ZBED5: variants seen among roughly 807,000 people sequenced by gnomAD.
ZBED5 encodes the protein zinc finger BED-type containing 5, also known as zinc finger BED domain-containing protein 5.
Under a neutral mutation model 49.2 loss-of-function variants are expected in ZBED5, and 29 were observed. The observed-to-expected ratio is 0.59, with a 90% CI of 0.44 to 0.80. The LOEUF (loss-of-function observed/expected upper bound fraction) is 0.80. Ranked by LOEUF, ZBED5 falls within the 30% of genes least tolerant of loss-of-function variation. The probability of loss-of-function intolerance (pLI) is 0.00; values close to 1 mark genes in which losing one functional copy is unlikely to be tolerated. For missense variants in ZBED5, 775 were observed against 812.9 expected (o/e 0.95, Z 0.57); for synonymous variants, 281 against 292.5 (o/e 0.96, Z 0.40).
Position 10,854,683 on chromosome 11 carries a change from G to A in ZBED5, c.263C>T (p.Ser88Phe). The change falls in exon 3 of 3, where the codon TCC becomes TTC. Residue 88 changes from serine to phenylalanine, a missense_variant. Transcript: ENST00000413761. The surrounding 1 kb of genome is among the most constrained non-coding windows in gnomAD (Gnocchi z 5.0). ...GGAATTGGATATAAATTTGACCCTG[G>A]AAAGCTCACCTTCTGATTTTTTAGA... is the stretch of plus-strand genomic sequence containing the variant. ...SVSKKSEGEL[S>F]RVKFISNSNK... 5 of 1,551,316 alleles carry A rather than the reference G, an allele frequency of 3.2e-6. No individual in the cohort carries two copies. Among genetic ancestry groups the A allele is most frequent in the South Asian group, 1.2e-5 (1 of 84,048 alleles).
At position 10,852,840 on chromosome 11, in the gene ZBED5, T is replaced by C; in HGVS notation, c.*24A>G. 1.3e-6 allele frequency: 2 copies of C among 1,490,858 alleles called. No homozygotes were observed. The highest frequency in any genetic ancestry group is 1.8e-6 in the Non-Finnish European group (2 of 1,111,774). The allele number at this position is 1,490,858 out of a possible 1,614,324, so 92.4% of individuals were successfully genotyped here. On this transcript the variant is annotated 3_prime_UTR_variant, in exon 3 of 3. Transcript: ENST00000413761. The stretch of plus-strand genomic sequence containing the variant: ...ATTTTCATCTTACATTTGGTTATCA[T>C]GAGACATGCAAACTCCTCCAATTTT...
At position 10,854,902 on chromosome 11, in the gene ZBED5, G is replaced by T. The variant is rs189388307; in HGVS notation, c.44C>A (p.Thr15Lys). 6.4e-7 allele frequency: 1 copy of T among 1,551,458 alleles called. No homozygotes were observed. The highest frequency in any genetic ancestry group is 1.4e-5 in the African/African-American group (1 of 73,162). The change falls in exon 3 of 3, where the codon ACA becomes AAA. Residue 15 changes from threonine to lysine, a missense_variant. Coordinates refer to ENST00000413761, the MANE Select transcript of ZBED5 (RefSeq NM_001143667.2). The surrounding 1 kb of genome is among the most constrained non-coding windows in gnomAD (Gnocchi z 5.0). ...LLCILSYNFN[T>K]FAILNVYSKL... ...AGAATAGACATTGAGTATCGCAAAT[G>T]TGTTGAAATTATAAGACAGGATACA...
chr11:10,854,753 C>T lies in ZBED5; in HGVS notation c.193G>A (p.Val65Ile). ...TTATCTTCACTTTGTAATATTCCAA[C>T]CTTCTGATCATTTGATTCAGACACA... ...QIVSESNDQKVGILQSEDKQL... is the reference protein window; with the variant it reads ...QIVSESNDQKIGILQSEDKQL... The change falls in exon 3 of 3, where the codon GTT becomes ATT. Residue 65 changes from valine to isoleucine, a missense_variant. Physicochemically the swap from Val to Ile is conservative, Grantham distance 29. Transcript: ENST00000413761. This position sits in a 1 kb window ranked among gnomAD's most constrained non-coding sequence, Gnocchi z 5.0. The T allele has an allele frequency of 6.4e-7, 1 of 1,551,864 alleles. No individual in the cohort carries two copies. The highest frequency in any genetic ancestry group is 8.7e-7 in the Non-Finnish European group (1 of 1,146,980).
chr11:10,854,508 A>G lies in ZBED5; in HGVS notation c.438T>C (p.Pro146=), dbSNP rs933672242. Residue 146 remains proline, a synonymous_variant, in exon 3 of 3, where the codon CCT becomes CCC. Coordinates refer to ENST00000413761, the MANE Select transcript of ZBED5 (RefSeq NM_001143667.2). The surrounding 1 kb of genome is among the most constrained non-coding windows in gnomAD (Gnocchi z 5.0). ...TTTCCAAATGTCTTCGAAGCTTACT[A>G]GGGGCTAAAGAGCTATTTGATAAAA... is the stretch of plus-strand genomic sequence containing the variant. ...KKILSNSSLA[P]SKLRRHLETK... is the part of the protein sequence containing the mutation. The G allele has an allele frequency of 9.0e-6, 14 of 1,551,578 alleles. No homozygotes were observed. Among genetic ancestry groups the G allele is most frequent in the Non-Finnish European group, 1.2e-5 (14 of 1,146,922 alleles).
At position 10,852,927 on chromosome 11, in the gene ZBED5, G is replaced by A; in HGVS notation, c.2019C>T (p.Ser673=). The change falls in exon 3 of 3, where the codon AGC becomes AGT. Residue 673 remains serine, a synonymous_variant. Transcript: ENST00000413761. ...TCCGCTTAATATTAGGTGTAATATT[G>A]CTAAGTCGGATTCGCATATGAGGTG... ...DAAPHMRIRL[S]NITPNIKRIC... The A allele has an allele frequency of 6.4e-7, 1 of 1,551,256 alleles. No homozygotes were observed. The highest frequency in any genetic ancestry group is 8.7e-7 in the Non-Finnish European group (1 of 1,146,716).
At position 10,854,179 on chromosome 11, in the gene ZBED5, G is replaced by A. The variant is rs1449193556; in HGVS notation, c.767C>T (p.Ala256Val). The A allele has an allele frequency of 5.2e-6, 8 of 1,550,856 alleles. No homozygotes were observed. The highest frequency in any genetic ancestry group is 7.0e-6 in the Non-Finnish European group (8 of 1,146,584). The change falls in exon 3 of 3, where the codon GCT (alanine) becomes GTT (valine). Residue 256 changes from alanine to valine, a missense_variant. Ala to Val is a moderately conservative substitution (Grantham distance 64). Transcript: ENST00000413761. This position sits in a 1 kb window ranked among gnomAD's most constrained non-coding sequence, Gnocchi z 5.0. ...STVARRIKDLAADIEEELVCR... is the reference protein window; with the variant it reads ...STVARRIKDLVADIEEELVCR... ...AACAAGCTCTTCTTCAATGTCAGCA[G>A]CTAGATCCTTAATTCGACGTGCAAC...
chr11:10,854,374 T>C lies in ZBED5; in HGVS notation c.572A>G (p.Glu191Gly). The C allele has an allele frequency of 1.3e-6, 2 of 1,551,064 alleles. No homozygotes were observed. The highest frequency in any genetic ancestry group is 2.4e-5 in the South Asian group (2 of 84,060). Residue 191 changes from glutamate (E) to glycine (G), a missense_variant, in exon 3 of 3, where the codon GAA (glutamate) becomes GGA (glycine). By Grantham distance (98) the Glu-to-Gly change is moderately conservative. Coordinates refer to ENST00000413761, the MANE Select transcript of ZBED5 (RefSeq NM_001143667.2). The surrounding 1 kb of genome is among the most constrained non-coding windows in gnomAD (Gnocchi z 5.0). ...ATTGTATGATGCTTCTGTAGCACTT[T>C]CATTATCTGTATTCACAATTTTAGG... ...PTPKIVNTDN[E>G]SATEASYNVS...
Position 10,854,806 on chromosome 11 carries a change from TG to T in ZBED5, c.139del (p.Gln47LysfsTer53). 14 of 1,552,078 alleles carry T rather than the reference TG, an allele frequency of 9.0e-6. No homozygotes were observed. Among genetic ancestry groups the T allele is most frequent in the Non-Finnish European group, 1.2e-5 (14 of 1,147,030 alleles). The stretch of plus-strand genomic sequence containing the variant: ...CTGATAACAGAAAGATTCCACTTCT[TG>T]TTTAAGACTTCCTTGTTTCAGCAAC... ...DLLLKQGSLKQEVESFCYQIV... is the reference protein window; with the variant it reads ...DLLLKQGSLKXEVESFCYQIV... On this transcript the variant is annotated frameshift_variant, in exon 3 of 3. Transcript: ENST00000413761. LOFTEE classifies it high-confidence loss of function. The surrounding 1 kb of genome is among the most constrained non-coding windows in gnomAD (Gnocchi z 5.0).
rs1046297 is a variant in ZBED5 at position 10,853,508 on chromosome 11, T to C, written c.1438A>G (p.Ile480Val). 0.03 allele frequency: 46,063 copies of C among 1,550,876 alleles called. 751 individuals carry two copies. The highest frequency in any genetic ancestry group is 0.052 in the Middle Eastern group (312 of 5,988). ...WLLRLAYLAD[I>V]FTKLNEVNLS... is the part of the protein sequence containing the mutation. ...TTAACTTCATTTAATTTAGTAAAAATATCTGCAAGATATGCAAGTCTTAGC... is the reference window on the plus strand; with the variant it reads ...TTAACTTCATTTAATTTAGTAAAAACATCTGCAAGATATGCAAGTCTTAGC... Residue 480 changes from isoleucine to valine, a missense_variant, in exon 3 of 3, where the codon ATT (isoleucine) becomes GTT (valine). Coordinates refer to ENST00000413761, the MANE Select transcript of ZBED5 (RefSeq NM_001143667.2). The surrounding 1 kb of genome is among the most constrained non-coding windows in gnomAD (Gnocchi z 5.4).
chr11:10,853,670 G>A lies in ZBED5; in HGVS notation c.1276C>T (p.Leu426Phe). 1 of 1,551,644 alleles carries A rather than the reference G, an allele frequency of 6.4e-7. No homozygotes were observed. Among genetic ancestry groups the A allele is most frequent in the Non-Finnish European group, 8.7e-7 (1 of 1,146,930 alleles). The change falls in exon 3 of 3, where the codon CTT becomes TTT. Residue 426 changes from leucine (L) to phenylalanine (F), a missense_variant. Leu to Phe is a conservative substitution (Grantham distance 22). Transcript: ENST00000413761. The surrounding 1 kb of genome is among the most constrained non-coding windows in gnomAD (Gnocchi z 5.4). ...CACCTCACCTCTGTATTTAGAAGAA[G>A]TGCTGTGTGCTGAGCACCCATTTCC... ...CEEMGAQHTA[L>F]LLNTEVRWLS...
chr11:10,853,502 TAAA>T lies in ZBED5; in HGVS notation c.1441_1443del (p.Phe481del). 1.9e-6 allele frequency: 3 copies of T among 1,550,902 alleles called. No homozygotes were observed. The highest frequency in any genetic ancestry group is 2.6e-6 in the Non-Finnish European group (3 of 1,146,560). Reference sequence around the variant, plus strand: ...GACAAATTAACTTCATTTAATTTAGTAAAAATATCTGCAAGATATGCAAGTCTT... The same window carrying T: ...GACAAATTAACTTCATTTAATTTAGTAATATCTGCAAGATATGCAAGTCTT... On this transcript the variant is annotated inframe_deletion, in exon 3 of 3. Transcript: ENST00000413761. The surrounding 1 kb of genome is among the most constrained non-coding windows in gnomAD (Gnocchi z 5.4).
Position 10,853,564 on chromosome 11 carries a change from A to G in ZBED5, c.1382T>C (p.Leu461Pro), listed in dbSNP as rs756550280. Residue 461 changes from leucine to proline, a missense_variant, in exon 3 of 3, where the codon CTA becomes CCA. By Grantham distance (98) the Leu-to-Pro change is moderately conservative. Coordinates refer to ENST00000413761, the MANE Select transcript of ZBED5 (RefSeq NM_001143667.2). This position sits in a 1 kb window ranked among gnomAD's most constrained non-coding sequence, Gnocchi z 5.4. ...LLVFMDSAFR[L>P]SDCLTNSSWL... ...AGATGAATTTGTTAAACAATCAGAT[A>G]GTCGAAAAGCAGAATCCATGAAAAC... 19 of 1,550,074 alleles carry G rather than the reference A, an allele frequency of 1.2e-5. 1 individual carries two copies. The South Asian group carries it at 2.1e-4, about 18-fold the overall frequency.
chr11:10,852,746 A>G lies in ZBED5; in HGVS notation c.*118T>C. 3 of 1,385,720 alleles carry G rather than the reference A, an allele frequency of 2.2e-6. No individual in the cohort carries two copies. Among genetic ancestry groups the G allele is most frequent in the Admixed American group, 3.0e-5 (1 of 33,454 alleles). The allele number at this position is 1,385,720 out of a possible 1,614,324, so 85.8% of individuals were successfully genotyped here. On this transcript the variant is annotated 3_prime_UTR_variant, in exon 3 of 3. Transcript: ENST00000413761. ...ATTCTTTAGCCTTCTTAAAATCTAA[A>G]TAGTATAAAAAAATGGAATCATTTT...
chr11:10,854,967 C>T lies in ZBED5; in HGVS notation c.-22G>A. The T allele has an allele frequency of 6.5e-7, 1 of 1,537,048 alleles. No individual in the cohort carries two copies. Among genetic ancestry groups the T allele is most frequent in the Non-Finnish European group, 8.8e-7 (1 of 1,138,500 alleles). Reference sequence around the variant, plus strand: ...TCATCAAAGAGATGATATACAGCAACACATCAGTTAATTTGTAAATGCTGC... The same window carrying T: ...TCATCAAAGAGATGATATACAGCAATACATCAGTTAATTTGTAAATGCTGC... On this transcript the variant is annotated 5_prime_UTR_variant, in exon 3 of 3. Coordinates refer to ENST00000413761, the MANE Select transcript of ZBED5 (RefSeq NM_001143667.2). The surrounding 1 kb of genome is among the most constrained non-coding windows in gnomAD (Gnocchi z 5.0).
At position 10,854,934 on chromosome 11, in the gene ZBED5, A is replaced by C. The variant is rs761768665; in HGVS notation, c.12T>G (p.Pro4=). Residue 4 remains proline (P), a synonymous_variant, in exon 3 of 3, where the codon CCT becomes CCG. Coordinates refer to ENST00000413761, the MANE Select transcript of ZBED5 (RefSeq NM_001143667.2). The surrounding 1 kb of genome is among the most constrained non-coding windows in gnomAD (Gnocchi z 5.0). The part of the protein sequence containing the change: MIA[P]LLCILSYNFN... Reference sequence around the variant, plus strand: ...AATTATAAGACAGGATACAAAGAAGAGGAGCAATCATCAAAGAGATGATAT... The same window carrying C: ...AATTATAAGACAGGATACAAAGAAGCGGAGCAATCATCAAAGAGATGATAT... The C allele has an allele frequency of 1.9e-6, 3 of 1,548,818 alleles. No individual in the cohort carries two copies. The Admixed American group carries it at 5.9e-5, about 30-fold the overall frequency.
In ZBED5 at chr11:10,855,481, C is replaced by T. The variant is rs976999; in HGVS notation, c.-141-395G>A. On this transcript the variant is annotated intron_variant, in intron 2 of 2. Coordinates refer to ENST00000413761, the MANE Select transcript of ZBED5 (RefSeq NM_001143667.2). This position sits in a 1 kb window ranked among gnomAD's most constrained non-coding sequence, Gnocchi z 4.1. ...ACAGGTGTGTTCCAATAAAACTTTACGTACAAAACCAGACAGCATGGGCCA... is the reference window on the plus strand; with the variant it reads ...ACAGGTGTGTTCCAATAAAACTTTATGTACAAAACCAGACAGCATGGGCCA... Among the ~76,000 whole-genome samples, 2,116 of 152,152 alleles carry T rather than the reference C, an allele frequency of 0.014. 41 individuals are homozygous for T. Among genetic ancestry groups the T allele is most frequent in the African/African-American group, 0.046 (1,924 of 41,502 alleles).
At position 10,855,345 on chromosome 11, in the gene ZBED5, C is replaced by G. The variant is rs542220232; in HGVS notation, c.-141-259G>C. On this transcript the variant is annotated intron_variant, in intron 2 of 2. Transcript: ENST00000413761. The surrounding 1 kb of genome is among the most constrained non-coding windows in gnomAD (Gnocchi z 4.1). ...GGACCCTGAAGAATATGTCCCATGG[C>G]AGGGGTTGGCAGGCTTTTTTTGGTC... 2.0e-5 allele frequency among the ~76,000 whole-genome samples: 3 copies of G among 152,200 alleles called. No individual in the cohort carries two copies. The East Asian group carries it at 5.8e-4, about 29-fold the overall frequency.
At position 10,852,961 on chromosome 11, in the gene ZBED5, A is replaced by C. The variant is rs1161408865; in HGVS notation, c.1985T>G (p.Leu662Arg). 5.2e-6 allele frequency: 8 copies of C among 1,551,510 alleles called. No individual in the cohort carries two copies. Among genetic ancestry groups the C allele is most frequent in the Admixed American group, 2.0e-5 (1 of 50,984 alleles). Residue 662 changes from leucine to arginine, a missense_variant, in exon 3 of 3, where the codon CTT (leucine) becomes CGT (arginine). Transcript: ENST00000413761. ...GATTCGCATATGAGGTGCAGCATCAAGTCTTTTCCTATATTTTGTTTTTGT... is the reference window on the plus strand; with the variant it reads ...GATTCGCATATGAGGTGCAGCATCACGTCTTTTCCTATATTTTGTTTTTGT... ...AATKTKYRKR[L>R]DAAPHMRIRL... is the part of the protein sequence containing the mutation.
intron 1 of ZBED5, among the ~76,000 whole-genome samples, chr11:10,856,705 T>C (rs1238062490): frequency 6.6e-6 from 1 of 152,232 alleles, no homozygotes; most frequent in Non-Finnish European, 1.5e-5. Flanking sequence ...TAATGACTGA[T>C]GATTGTTTAC....
Sources: allele counts gnomAD v4.1 joint callset (sites outside exome capture counted in the v4.1 genomes callset), GRCh38; gene constraint gnomAD v4.1.1; non-coding constraint Gnocchi (gnomAD v3.1); transcripts MANE v1.5; gene names NCBI Gene and HGNC (gene_info 2026-07-23, HGNC 2026-07-21).